SPG7: variants seen among roughly 807,000 people sequenced by gnomAD.
The protein encoded by SPG7 is mitochondrial inner membrane m-AAA protease component paraplegin.
SPG7 carries 103 observed loss-of-function variants against 81.9 expected under a neutral mutation model. The observed-to-expected ratio is 1.26, with a 90% CI of 1.07 to 1.48. SPG7 has a LOEUF of 1.48. Among genes scored for constraint, SPG7 ranks in the 40% most tolerant of loss-of-function variants. SPG7 has a pLI of 0.00. For missense variants in SPG7, 1,241 were observed against 1,087.3 expected (o/e 1.14, Z -1.99); for synonymous variants, 534 against 444.2 (o/e 1.20, Z -2.54).
At chr16:89,550,070 T>C (rs1400102842) in intron 12 of SPG7, 2 of 289,444 alleles carry the variant, frequency 6.9e-6, no homozygotes, top group Non-Finnish European at 1.4e-5. Context: ...CAGCTGCAGC[T>C]CCAAGAGGCA....
chr16:89,512,159 A>T (rs910686616), intron 2 of SPG7, among the ~76,000 whole-genome samples: 8 of 151,056 alleles, frequency 5.3e-5, no homozygotes, highest in African/African-American at 2.0e-4. Flanking sequence ...GATCCACCCG[A>T]CTCGGCCTCC....
chr16:89,548,839 AG>A, intron 12 of SPG7: 1 of 428,624 alleles, frequency 2.3e-6, no homozygotes, highest in Non-Finnish European at 4.8e-6. Flanking sequence ...AGTGTGAGAC[AG>A]GTTGAACGTT....
At chr16:89,520,661 T>A (rs2058175217) in intron 3 of SPG7, 1 of 152,316 alleles carries the variant, frequency 6.6e-6, no homozygotes, top group African/African-American at 2.4e-5. Flanking sequence ...CCTCCCAAAG[T>A]GCCTGGATGA....
At chr16:89,508,789 C>T in intron 1 of SPG7, 189 bp downstream of exon 1, 1 of 740,036 alleles carries the variant, frequency 1.4e-6, no homozygotes, top group Non-Finnish European at 2.4e-6. Flanking sequence ...GGGCGCTGGG[C>T]GGGCCGGGAA....
At position 89,557,628 on chromosome 16, in the gene SPG7, C is replaced by A; in HGVS notation, c.*535C>A. The A allele has an allele frequency of 5.8e-6, 1 of 172,072 alleles. No homozygotes were observed. The highest frequency in any genetic ancestry group is 1.3e-4 in the South Asian group (1 of 7,620). The allele number at this position is 172,072 out of a possible 1,614,324, so 10.7% of individuals were successfully genotyped here. A position where few individuals can be genotyped will look rare whatever the true frequency, so the allele number is the denominator to read the frequency against. On this transcript the variant is annotated 3_prime_UTR_variant, in exon 17 of 17. Transcript: ENST00000645818. ...GCTCCGGAGGACTCACCACTGCCCCCTGCTGCCATGTGGACTGGTGCAAGT... is the reference window on the plus strand; with the variant it reads ...GCTCCGGAGGACTCACCACTGCCCCATGCTGCCATGTGGACTGGTGCAAGT...
chr16:89,553,630 G>T, intron 14 of SPG7, 164 bp from the exon 15 acceptor site: 1 of 653,620 alleles, frequency 1.5e-6, no homozygotes, highest in South Asian at 1.8e-5. Context: ...TTAAGGAACA[G>T]TGGTGAGGTG....
At chr16:89,510,782 T>A (rs570411734) in intron 2 of SPG7, among the ~76,000 whole-genome samples, 190 bp downstream of exon 2, 1 of 152,172 alleles carries the variant, frequency 6.6e-6, no homozygotes, top group Non-Finnish European at 1.5e-5. Flanking sequence ...CTCCCCACTT[T>A]GCTTCCGGAG....
intron 12 of SPG7, 51 bp downstream of exon 12, chr16:89,548,164 C>G: frequency 1.6e-6 from 2 of 1,235,332 alleles, no homozygotes; most frequent in Non-Finnish European, 2.4e-6. Flanking sequence ...GGCTTGAACC[C>G]CAGAAATACC....
chr16:89,523,438 G>A (rs2058217150), intron 3 of SPG7: 1 of 339,758 alleles, frequency 2.9e-6, no homozygotes, highest in Non-Finnish European at 5.8e-6. Context: ...AAAGGTATTT[G>A]TTTTAATCGT....
intron 9 of SPG7, chr16:89,532,881 C>G (rs1022262268): frequency 7.7e-6 from 4 of 516,776 alleles, no homozygotes; most frequent in Non-Finnish European, 1.1e-5. Context: ...GTCAGGATTT[C>G]ATGAGCAGCC....
rs764104523 is a variant in SPG7 at position 89,510,569 on chromosome 16, C to T, written c.263C>T (p.Pro88Leu). The change falls in exon 2 of 17, where the codon CCA becomes CTA. Residue 88 changes from proline to leucine, a missense_variant. Coordinates refer to ENST00000645818, the MANE Select transcript of SPG7 (RefSeq NM_003119.4). Reference sequence around the variant, plus strand: ...TTGAAACAACATTTAGTTCAGAATCCAGTCAGACTCTGGCAACTTTTAGGT... The same window carrying T: ...TTGAAACAACATTTAGTTCAGAATCTAGTCAGACTCTGGCAACTTTTAGGT... ...LLLKQHLVQN[P>L]VRLWQLLGGT... The T allele has an allele frequency of 2.5e-6, 4 of 1,611,684 alleles. No homozygotes were observed. The highest frequency in any genetic ancestry group is 3.4e-6 in the Non-Finnish European group (4 of 1,178,318).
intron 9 of SPG7, among the ~76,000 whole-genome samples, chr16:89,535,621 G>A (rs980128570): frequency 2.0e-5 from 3 of 152,206 alleles, no homozygotes; most frequent in Non-Finnish European, 2.9e-5. Context: ...GATGTGGGGT[G>A]AGCAGTTCAG....
intron 13 of SPG7, chr16:89,551,350 TTG>T: frequency 6.4e-6 from 1 of 157,320 alleles, no homozygotes; most frequent in Non-Finnish European, 1.4e-5. Flanking sequence ...CCAGCTTGGT[TTG>T]TCAGTGCTGG....
chr16:89,546,253 A>C (rs1170465218), intron 10 of SPG7: 2 of 313,996 alleles, frequency 6.4e-6, no homozygotes, highest in African/African-American at 4.4e-5. Context: ...TGCCTGGCTA[A>C]TTTTTGTATT....
At chr16:89,531,871 GTAGT>G (rs759909420) in intron 7 of SPG7, 29 bp from the exon 8 acceptor site, 83 of 1,613,088 alleles carry the variant, frequency 5.1e-5, no homozygotes, top group African/African-American at 2.7e-5. Flanking sequence ...GAATCCCCAA[GTAGT>G]TAGTGTTGCA....
chr16:89,538,826 C>T (rs969011014), intron 9 of SPG7: 1 of 152,296 alleles, frequency 6.6e-6, no homozygotes, highest in Admixed American at 6.5e-5. Context: ...AGTTGAGGGC[C>T]TCTCAGGGGT....
rs74476291 is a variant in SPG7 at position 89,542,589 on chromosome 16, C to G, written c.1325-2059C>G. Among the ~76,000 whole-genome samples the G allele has an allele frequency of 5.4e-3, 827 of 152,236 alleles. 6 individuals carry two copies. Among genetic ancestry groups the G allele is most frequent in the African/African-American group, 0.018 (734 of 41,530 alleles). On this transcript the variant is annotated intron_variant, in intron 9 of 16. Coordinates refer to ENST00000645818, the MANE Select transcript of SPG7 (RefSeq NM_003119.4). ...TGTCTTTCAAAGTTTCTTTGAAATT[C>G]GGGAGCGATTTGCTTGGGAGTGGGG...
intron 7 of SPG7, chr16:89,531,279 C>T (rs367812014): frequency 5.7e-5 from 15 of 262,126 alleles, no homozygotes; most frequent in African/African-American, 3.3e-4. Flanking sequence ...GTCCTGGCAC[C>T]TCGGGGCGCT....
At position 89,513,045 on chromosome 16, in the gene SPG7, C is replaced by T. The variant is rs1334614158; in HGVS notation, c.376+8C>T. On this transcript the variant is annotated splice_region_variant and intron_variant, in intron 3 of 16. Coordinates refer to ENST00000645818, the MANE Select transcript of SPG7 (RefSeq NM_003119.4). Reference sequence around the variant, plus strand: ...CGCCTGAAGAGGACGAAGGTATATTCATCTGATGTTCTTCAGTCAGTAGCT... The same window carrying T: ...CGCCTGAAGAGGACGAAGGTATATTTATCTGATGTTCTTCAGTCAGTAGCT... The T allele has an allele frequency of 5.6e-6, 9 of 1,599,484 alleles. No homozygotes were observed. Among genetic ancestry groups the T allele is most frequent in the Non-Finnish European group, 7.7e-6 (9 of 1,171,654 alleles).
Sources: gnomAD v4.1 joint callset for allele counts (sites outside exome capture counted in the v4.1 genomes callset) on GRCh38, gnomAD v4.1.1 for gene constraint, MANE v1.5 for transcripts, NCBI Gene and HGNC (gene_info 2026-07-23, HGNC 2026-07-21) for gene names.